The following DCBLD1 variants were observed in gnomAD, a reference collection of about 807,000 sequenced individuals.
DCBLD1 encodes discoidin, CUB and LCCL domain-containing protein 1.
A neutral mutation model predicts 71.5 loss-of-function variants in DCBLD1; 57 were observed. The ratio of observed to expected loss-of-function variants is 0.80; its 90% CI spans 0.64 to 0.99. The LOEUF (loss-of-function observed/expected upper bound fraction) is 0.99, where lower values mean the gene tolerates loss of function less well. Ranked by LOEUF, DCBLD1 falls within the 50% of genes least tolerant of loss-of-function variation. The pLI, the probability that DCBLD1 is intolerant of heterozygous loss-of-function variation, is 0.00. For synonymous variants in DCBLD1, 380 were observed against 363.8 expected, an observed-to-expected ratio of 1.04 and a Z score of -0.51; for missense variants, 891 against 923.5, an observed-to-expected ratio of 0.96 and a Z score of 0.46.
intron 5 of DCBLD1, among the ~76,000 whole-genome samples, chr6:117,526,802 A>C (rs1778559592): frequency 6.6e-6 from 1 of 152,226 alleles, no homozygotes; most frequent in South Asian, 2.1e-4. Context: ...TTATTGCTGC[A>C]TAATAATATT....
intron 14 of DCBLD1, chr6:117,560,802 G>A (rs1032167110): frequency 9.4e-6 from 2 of 213,454 alleles, no homozygotes; most frequent in East Asian, 7.0e-5. Context: ...CAACCATTCT[G>A]TTTGTGTATA....
downstream of DCBLD1, among the ~76,000 whole-genome samples, chr6:117,553,789 G>T (rs946534473): frequency 6.6e-6 from 1 of 152,040 alleles, no homozygotes; most frequent in Non-Finnish European, 1.5e-5. Context: ...TGTTGTTGCT[G>T]CCATTGTAAA....
chr6:117,490,372 G>A (rs1206163830), intron 1 of DCBLD1, among the ~76,000 whole-genome samples: 1 of 152,068 alleles, frequency 6.6e-6, no homozygotes, highest in African/African-American at 2.4e-5. Flanking sequence ...AATTTGCCTT[G>A]AAGTAAACCA....
At chr6:117,512,802 G>A (rs1778067954) in intron 2 of DCBLD1, among the ~76,000 whole-genome samples, 2 of 151,714 alleles carry the variant, frequency 1.3e-5, no homozygotes. Flanking sequence ...TGTTGTTGTC[G>A]ATTTATGACA....
intron 1 of DCBLD1, 64 bp downstream of exon 1, chr6:117,482,957 G>GAGC: frequency 3.2e-6 from 2 of 618,098 alleles, no homozygotes; most frequent in South Asian, 1.0e-4. Flanking sequence ...GAGGGCTGCG[G>GAGC]GGCGGGCCGG....
At chr6:117,561,395 T>C (rs1161223506) in intron 14 of DCBLD1, 2 of 224,190 alleles carry the variant, frequency 8.9e-6, no homozygotes, top group Non-Finnish European at 1.8e-5. Flanking sequence ...GGCCATTCCA[T>C]CCCAGGCTGT....
At chr6:117,547,162 T>C (rs1466123262) in intron 14 of DCBLD1, among the ~76,000 whole-genome samples, 1 of 152,216 alleles carries the variant, frequency 6.6e-6, no homozygotes, top group African/African-American at 2.4e-5. Context: ...TGCCAGTCTT[T>C]CGTTTCCCAT....
At chr6:117,501,319 G>A (rs1004929629) in intron 1 of DCBLD1, among the ~76,000 whole-genome samples, 2 of 145,838 alleles carry the variant, frequency 1.4e-5, no homozygotes, top group East Asian at 2.0e-4. Flanking sequence ...TGGTTGTCAC[G>A]TCTTTCAGTT....
At chr6:117,531,021 T>C (rs557970415) in intron 5 of DCBLD1, among the ~76,000 whole-genome samples, 2 of 152,300 alleles carry the variant, frequency 1.3e-5, no homozygotes, top group East Asian at 3.9e-4. Flanking sequence ...ATTGCAAAAC[T>C]GACTCACTTT....
intron 14 of DCBLD1, chr6:117,563,157 C>T (rs757054034): frequency 1.6e-5 from 18 of 1,154,980 alleles, no homozygotes; most frequent in Non-Finnish European, 2.3e-5. Context: ...AGGCAACAAA[C>T]AGCCTCCCCT....
intron 3 of DCBLD1, among the ~76,000 whole-genome samples, chr6:117,520,529 C>T (rs1251720224): frequency 4.6e-5 from 7 of 152,178 alleles, no homozygotes; most frequent in South Asian, 2.1e-4. Context: ...TGAGCCCCTC[C>T]GCAACACACG....
In DCBLD1 at chr6:117,482,899, T is replaced by C; in HGVS notation, c.112+6T>C. On this transcript the variant is annotated splice_donor_region_variant and intron_variant, in intron 1 of 14. Transcript: ENST00000338728. ...GCTGCAGGCGGAGGAGCTGGGTGAG[T>C]GGAGCGCGTCCGGCTGGCGGCGGGA... 8.4e-7 allele frequency: 1 copy of C among 1,192,388 alleles called. No homozygotes were observed. Among genetic ancestry groups the C allele is most frequent in the Non-Finnish European group, 1.0e-6 (1 of 960,534 alleles). 73.9% of individuals were successfully genotyped at this position (1,192,388 alleles called of 1,614,324 possible).
rs374876976 is a variant in DCBLD1, at chr6:117,566,008, T to A, written c.1616-3612T>A. 9.3e-4 allele frequency among the ~76,000 whole-genome samples: 142 copies of A among 152,272 alleles called. 3 individuals carry two copies. The South Asian group carries it at 0.029, about 31-fold the overall frequency. ...TACTCAAAGGTCAATATTTAAAAAT[T>A]AACTGTTACTGCCATTTCATCAAAG... On this transcript the variant is annotated intron_variant, in intron 14 of 14. Coordinates refer to the DCBLD1 transcript ENST00000296955.
intron 4 of DCBLD1, 42 bp from the exon 5 acceptor site, chr6:117,525,320 G>A: frequency 1.5e-6 from 2 of 1,374,606 alleles, no homozygotes; most frequent in Non-Finnish European, 1.9e-6. Flanking sequence ...TTTTGGTTGT[G>A]TAATTTAATA....
At chr6:117,545,635 G>C in intron 14 of DCBLD1, 38 bp downstream of exon 14, 1 of 1,588,912 alleles carries the variant, frequency 6.3e-7, no homozygotes, top group Non-Finnish European at 8.6e-7. Flanking sequence ...TATTAGATTG[G>C]AGGTGCTGCT....
chr6:117,533,360 C>T (rs1447055043), intron 6 of DCBLD1, among the ~76,000 whole-genome samples: 1 of 152,146 alleles, frequency 6.6e-6, no homozygotes, highest in African/African-American at 2.4e-5. Context: ...TCCTAGCCCC[C>T]TCTTGCATCA....
intron 14 of DCBLD1, among the ~76,000 whole-genome samples, chr6:117,567,237 C>T (rs920457298): frequency 6.6e-6 from 1 of 152,086 alleles, no homozygotes; most frequent in Non-Finnish European, 1.5e-5. Context: ...CTCTACAGTT[C>T]CTTTAAACAT....
At chr6:117,497,816 G>A (rs1777520329) in intron 1 of DCBLD1, among the ~76,000 whole-genome samples, 1 of 152,104 alleles carries the variant, frequency 6.6e-6, no homozygotes, top group Admixed American at 6.5e-5. Context: ...AGAATGTTAG[G>A]TGAATTTGGT....
At chr6:117,532,088 GT>G (rs1778741144) in intron 5 of DCBLD1, among the ~76,000 whole-genome samples, 171 bp from the exon 6 acceptor site, 2 of 152,230 alleles carry the variant, frequency 1.3e-5, no homozygotes, top group African/African-American at 4.8e-5. Context: ...AACAAAGCAA[GT>G]CACATGGTCC....
Sources: allele counts gnomAD v4.1 joint callset (sites outside exome capture counted in the v4.1 genomes callset), GRCh38; gene constraint gnomAD v4.1.1; transcripts MANE v1.5; gene names NCBI Gene and HGNC (gene_info 2026-07-23, HGNC 2026-07-21).